The following SATB1 variants were observed in gnomAD, a reference collection of about 807,000 sequenced individuals.
SATB1 encodes DNA-binding protein SATB1.
A neutral mutation model predicts 86.9 loss-of-function variants in SATB1; 11 were observed. The ratio of observed to expected loss-of-function variants is 0.13; its 90% CI spans 0.08 to 0.21. SATB1 has a LOEUF of 0.21. SATB1 is among the 10% of genes least tolerant of loss of function. The probability of loss-of-function intolerance (pLI) is 1.00; values close to 1 mark genes in which losing one functional copy is unlikely to be tolerated. For synonymous variants in SATB1, 357 were observed against 357.2 expected (o/e 1.00, Z 0.01); for missense variants, 551 against 937.6 (o/e 0.59, Z 5.39).
At chr3:18,365,573 C>T (rs1695146353) in intron 9 of SATB1, among the ~76,000 whole-genome samples, 1 of 152,174 alleles carries the variant, frequency 6.6e-6, no homozygotes, top group Non-Finnish European at 1.5e-5. Context: ...CTTTGTCTAA[C>T]TAGCTGCCTT....
intron 5 of SATB1, among the ~76,000 whole-genome samples, chr3:18,399,384 G>A (rs1360235997): frequency 6.6e-6 from 1 of 152,134 alleles, no homozygotes; most frequent in Non-Finnish European, 1.5e-5. Flanking sequence ...TATCTATTAA[G>A]AACACAGATA....
intron 9 of SATB1, among the ~76,000 whole-genome samples, chr3:18,370,978 G>A (rs1213088520): frequency 1.3e-5 from 2 of 152,192 alleles, no homozygotes; most frequent in African/African-American, 4.8e-5. Context: ...TGTTGCAATG[G>A]TCAATTTGAA....
In SATB1 at chr3:18,348,957, C is replaced by T. The variant is rs1694203309; in HGVS notation, c.*213G>A. 1 of 719,414 alleles carries T rather than the reference C, an allele frequency of 1.4e-6. No homozygotes were observed. The highest frequency in any genetic ancestry group is 2.2e-6 in the Non-Finnish European group (1 of 458,512). 44.6% of individuals were successfully genotyped at this position (719,414 alleles called of 1,614,324 possible). On this transcript the variant is annotated 3_prime_UTR_variant, in exon 11 of 11. Transcript: ENST00000338745. ...TTTTAATACCAAACAATCCTTGATG[C>T]TTCACCTGGGGCTGCCAAGCAGTTT...
At chr3:18,380,200 A>G (rs1695975221) in intron 8 of SATB1, among the ~76,000 whole-genome samples, 1 of 152,206 alleles carries the variant, frequency 6.6e-6, no homozygotes, top group Non-Finnish European at 1.5e-5. Flanking sequence ...ATCATTTTGA[A>G]AACTGAATGT....
intron 8 of SATB1, among the ~76,000 whole-genome samples, chr3:18,385,254 C>T (rs999613667): frequency 1.3e-5 from 2 of 152,046 alleles, no homozygotes; most frequent in African/African-American, 4.8e-5. Flanking sequence ...CTTTTTCTTC[C>T]ATGTTCAATT....
Position 18,386,455 on chromosome 3 carries a change from C to A in SATB1, c.1363G>T (p.Ala455Ser). 1 of 1,614,118 alleles carries A rather than the reference C, an allele frequency of 6.2e-7. No individual in the cohort carries two copies. ...AGGGGGGCAGGACCCATGGCCGAGG[C>A]AGCATTCAAGCTCCTTTCCCTTTCG... is the stretch of plus-strand genomic sequence containing the variant. The part of the protein sequence containing the change: ...QDERERSLNA[A>S]SAMGPAPLIS... Residue 455 changes from alanine (A) to serine (S), a missense_variant, in exon 8 of 11, where the codon GCC becomes TCC. By Grantham distance (99) the Ala-to-Ser change is moderately conservative (BLOSUM62 1). Coordinates refer to ENST00000338745, the MANE Select transcript of SATB1 (RefSeq NM_002971.6). This position sits in a 1 kb window ranked among gnomAD's most constrained non-coding sequence, Gnocchi z 4.5.
At position 18,348,625 on chromosome 3, in the gene SATB1, G is replaced by A. The variant is rs964532495; in HGVS notation, c.*545C>T. 2.0e-5 allele frequency: 3 copies of A among 152,270 alleles called. No homozygotes were observed. The highest frequency in any genetic ancestry group is 2.9e-5 in the Non-Finnish European group (2 of 67,980). The allele number at this position is 152,270 out of a possible 1,614,324, so 9.4% of individuals were successfully genotyped here. ...CAAAATAAAAACAAATTTGAATTAC[G>A]GCAGTGCCATATAATACAAGGCATT... On this transcript the variant is annotated 3_prime_UTR_variant, in exon 11 of 11. Coordinates refer to ENST00000338745, the MANE Select transcript of SATB1 (RefSeq NM_002971.6).
In SATB1 at chr3:18,349,005, G is replaced by A. The variant is rs1694206061; in HGVS notation, c.*165C>T. ...TTTGTAAAACAGAGGAAAACATTTAGTGCAGTCTGTATTATCCTTTTCCAA... is the reference window on the plus strand; with the variant it reads ...TTTGTAAAACAGAGGAAAACATTTAATGCAGTCTGTATTATCCTTTTCCAA... On this transcript the variant is annotated 3_prime_UTR_variant, in exon 11 of 11. Transcript: ENST00000338745. This position sits in a 1 kb window ranked among gnomAD's most constrained non-coding sequence, Gnocchi z 5.5. 7 of 1,128,092 alleles carry A rather than the reference G, an allele frequency of 6.2e-6. No homozygotes were observed. In the East Asian group the frequency reaches 7.8e-5, roughly 13 times the overall value. The allele number at this position is 1,128,092 out of a possible 1,614,324, so 69.9% of individuals were successfully genotyped here.
intron 5 of SATB1, among the ~76,000 whole-genome samples, chr3:18,402,261 C>CA (rs1357770021): frequency 6.6e-6 from 1 of 151,698 alleles, no homozygotes; most frequent in African/African-American, 2.4e-5. Flanking sequence ...GAGGCCTTCT[C>CA]AAAAAAAGAT....
Position 18,415,933 on chromosome 3 carries a change from C to T in SATB1, c.515+74G>A, listed in dbSNP as rs1238178653. 3 of 1,396,618 alleles carry T rather than the reference C, an allele frequency of 2.1e-6. No homozygotes were observed. In the African/African-American group the frequency reaches 4.4e-5, roughly 20 times the overall value. 86.5% of individuals were successfully genotyped at this position (1,396,618 alleles called of 1,614,324 possible). A position where few individuals can be genotyped will look rare whatever the true frequency, so the allele number is the denominator to read the frequency against. On this transcript the variant is annotated intron_variant, in intron 4 of 10. Coordinates refer to ENST00000338745, the MANE Select transcript of SATB1 (RefSeq NM_002971.6). ...AGACTAAAAAAAAATTGAAGGTCGA[C>T]CAGAGAGAAATGCTTCATTTCAAAA...
chr3:18,362,769 G>C (rs967288507), intron 9 of SATB1, among the ~76,000 whole-genome samples: 17 of 137,368 alleles, frequency 1.2e-4, no homozygotes, highest in African/African-American at 4.3e-4. Context: ...GCTTCCTAAA[G>C]TCACTATTAA....
At chr3:18,415,931 G>A (rs1698087831) in intron 4 of SATB1, 76 bp downstream of exon 4, 6 of 1,370,516 alleles carry the variant, frequency 4.4e-6, no homozygotes, top group East Asian at 2.5e-5. Flanking sequence ...ATTGAAGGTC[G>A]ACCAGAGAGA....
chr3:18,354,735 G>A (rs1172452772), intron 9 of SATB1, among the ~76,000 whole-genome samples: 3 of 152,086 alleles, frequency 2.0e-5, no homozygotes, highest in African/African-American at 7.2e-5. Context: ...GTGGATCACA[G>A]ATGTTCTTTG....
At chr3:18,371,964 G>A (rs911168492) in intron 9 of SATB1, among the ~76,000 whole-genome samples, 32 of 152,110 alleles carry the variant, frequency 2.1e-4, no homozygotes, top group Non-Finnish European at 1.5e-4. Flanking sequence ...GTACCCACCC[G>A]AACCTGTCCT....
rs146131429 is a variant in SATB1 at position 18,418,509 on chromosome 3, A to C, written c.212-1431T>G. On this transcript the variant is annotated intron_variant, in intron 2 of 10. Coordinates refer to ENST00000338745, the MANE Select transcript of SATB1 (RefSeq NM_002971.6). ...AGGCTAGGCATGAAAAACAAGCCGC[A>C]GAGCTTGCCAATATTTTTGTCATTC... 5.8e-4 allele frequency among the ~76,000 whole-genome samples: 89 copies of C among 152,318 alleles called. No individual in the cohort carries two copies. The East Asian group carries it at 0.014, about 24-fold the overall frequency.
At chr3:18,427,158 TGTG>T (rs898213759), upstream of SATB1, among the ~76,000 whole-genome samples, 8 of 152,156 alleles carry the variant, frequency 5.3e-5, no homozygotes, top group Non-Finnish European at 8.8e-5. Context: ...AAAGTTAAAA[TGTG>T]GGGAAATCTG....
chr3:18,374,282 C>G (rs1695628314), intron 9 of SATB1, among the ~76,000 whole-genome samples: 1 of 152,134 alleles, frequency 6.6e-6, no homozygotes, highest in Non-Finnish European at 1.5e-5. Flanking sequence ...ATTTCCATCT[C>G]CCATATGAAA....
intron 9 of SATB1, among the ~76,000 whole-genome samples, chr3:18,362,732 A>C (rs1382940879): frequency 2.0e-5 from 3 of 151,856 alleles, no homozygotes; most frequent in African/African-American, 7.2e-5. Context: ...CTCATATTGC[A>C]ATGTTATGAA....
upstream of SATB1, among the ~76,000 whole-genome samples, chr3:18,430,300 C>G (rs1698847424): frequency 6.6e-6 from 1 of 152,092 alleles, no homozygotes. Flanking sequence ...ACATCTGAGT[C>G]AAGATAATTT....
Sources: gnomAD v4.1 joint callset for allele counts (sites outside exome capture counted in the v4.1 genomes callset) on GRCh38, gnomAD v4.1.1 for gene constraint, Gnocchi (gnomAD v3.1) non-coding constraint, MANE v1.5 for transcripts, NCBI Gene and HGNC (gene_info 2026-07-23, HGNC 2026-07-21) for gene names.